MIA2: variants seen among roughly 807,000 people sequenced by gnomAD.
MIA2 encodes melanoma inhibitory activity protein 2.
In MIA2, 127 loss-of-function variants were observed where a neutral mutation model predicts 167.8. The observed-to-expected ratio is 0.76, with a 90% CI of 0.66 to 0.88. MIA2 has a LOEUF of 0.88. MIA2 is among the 40% of genes least tolerant of loss of function. MIA2 has a pLI of 0.00. For missense variants in MIA2, 1,690 were observed against 1,624.7 expected (o/e 1.04, Z -0.69); for synonymous variants, 552 against 541.9 (o/e 1.02, Z -0.26).
At chr14:39,301,033 TATACATAC>T (rs1227885863) in intron 14 of MIA2, among the ~76,000 whole-genome samples, 78 of 81,888 alleles carry the variant, frequency 9.5e-4, no homozygotes, top group African/African-American at 4.3e-3. Context: ...CATATATACA[TATACATAC>T]ACACACACAC....
intron 13 of MIA2, among the ~76,000 whole-genome samples, chr14:39,297,080 G>A (rs1337028712): frequency 6.7e-6 from 1 of 148,942 alleles, no homozygotes; most frequent in African/African-American, 2.5e-5. Context: ...CCCGGCTATT[G>A]GTGGGCTTTT....
intron 18 of MIA2, among the ~76,000 whole-genome samples, chr14:39,312,247 G>T (rs1295520139): frequency 1.3e-5 from 2 of 152,182 alleles, no homozygotes; most frequent in African/African-American, 2.4e-5. Flanking sequence ...ATCAGGAGAG[G>T]TGTCAAAGAA....
intron 23 of MIA2, among the ~76,000 whole-genome samples, chr14:39,384,198 A>G (rs554827167): frequency 3.9e-5 from 6 of 152,272 alleles, no homozygotes; most frequent in African/African-American, 1.2e-4. Context: ...GCCATTTGCA[A>G]TTCCAAAAAT....
At chr14:39,245,036 C>T (rs1463510401) in intron 3 of MIA2, among the ~76,000 whole-genome samples, 2 of 150,304 alleles carry the variant, frequency 1.3e-5, no homozygotes, top group East Asian at 3.9e-4. Flanking sequence ...CCTCAGCCTC[C>T]CCAAGCACTG....
At chr14:39,317,913 T>C (rs1406972020) in intron 21 of MIA2, 31 bp from the exon 22 acceptor site, 3 of 1,461,230 alleles carry the variant, frequency 2.1e-6, no homozygotes, top group Non-Finnish European at 2.8e-6. Context: ...TTTATATAAA[T>C]ATATTTTTAA....
intron 10 of MIA2, among the ~76,000 whole-genome samples, chr14:39,292,529 G>A (rs941685703): frequency 6.6e-6 from 1 of 152,094 alleles, no homozygotes. Flanking sequence ...TTTCATTCGG[G>A]TCAGGGAATT....
intron 13 of MIA2, 23 bp from the exon 14 acceptor site, chr14:39,299,841 A>G (rs993186060): frequency 1.9e-6 from 3 of 1,593,556 alleles, no homozygotes; most frequent in Middle Eastern, 4.2e-4. Context: ...GATGAGTTGC[A>G]TTTTTAAAAT....
chr14:39,379,977 G>T (rs1595965000), intron 23 of MIA2, among the ~76,000 whole-genome samples: 1 of 152,228 alleles, frequency 6.6e-6, no homozygotes, highest in South Asian at 2.1e-4. Context: ...GCTTTTCAAT[G>T]TGGGGAGTAC....
Position 39,326,906 on chromosome 14 carries a change from A to G in MIA2, c.3539A>G (p.Asn1180Ser). 5.6e-6 allele frequency: 9 copies of G among 1,596,932 alleles called. No homozygotes were observed. The highest frequency in any genetic ancestry group is 7.7e-6 in the Non-Finnish European group (9 of 1,172,964). Residue 1180 changes from asparagine to serine, a missense_variant, in exon 25 of 29, where the codon AAT becomes AGT. Transcript: ENST00000640607. ...AATCCTCTGGACCATCAGATTACCA[A>G]TGAAAGAGGAGAATCAAGCTGTGAT... ...PGNPLDHQIT[N>S]ERGESSCDRL...
chr14:39,251,614 T>C (rs2054580090), intron 4 of MIA2, among the ~76,000 whole-genome samples: 1 of 152,200 alleles, frequency 6.6e-6, no homozygotes. Flanking sequence ...AACATTATTG[T>C]AGATCACTAC....
At chr14:39,378,034 T>C (rs1161488960) in intron 23 of MIA2, among the ~76,000 whole-genome samples, 1 of 152,192 alleles carries the variant, frequency 6.6e-6, no homozygotes, top group East Asian at 1.9e-4. Context: ...TATGCACTTG[T>C]ATAAAAGAAA....
chr14:39,254,460 G>T (rs886594392), intron 6 of MIA2, among the ~76,000 whole-genome samples: 1 of 152,106 alleles, frequency 6.6e-6, no homozygotes, highest in Non-Finnish European at 1.5e-5. Context: ...AGATTAAAGG[G>T]GTAAAGACCA....
chr14:39,277,286 G>C (rs754402174), intron 7 of MIA2, among the ~76,000 whole-genome samples: 1 of 151,878 alleles, frequency 6.6e-6, no homozygotes, highest in Non-Finnish European at 1.5e-5. Flanking sequence ...AGCACTTTGG[G>C]AGGCCAAGGC....
At position 39,285,934 on chromosome 14, in the gene MIA2, G is replaced by A. The variant is rs1363561626; in HGVS notation, c.2131-5085G>A. Reference sequence around the variant, plus strand: ...TCACTTCCTAGACGGGATGGCGGCCGGGAAGAGGCGCTCCTCACTTCCCAG... The same window carrying A: ...TCACTTCCTAGACGGGATGGCGGCCAGGAAGAGGCGCTCCTCACTTCCCAG... On this transcript the variant is annotated intron_variant, in intron 9 of 28. Coordinates refer to ENST00000640607, the MANE Select transcript of MIA2 (RefSeq NM_001329214.4). Among the ~76,000 whole-genome samples, 17 of 151,664 alleles carry A rather than the reference G, an allele frequency of 1.1e-4. 2 individuals carry two copies. The highest frequency in any genetic ancestry group is 2.6e-4 in the Admixed American group (4 of 15,244).
intron 6 of MIA2, chr14:39,265,476 TA>T: frequency 1.4e-6 from 2 of 1,402,246 alleles, no homozygotes; most frequent in Non-Finnish European, 2.0e-6. Flanking sequence ...AATTTTGCAC[TA>T]AGTTTGTTAA....
chr14:39,331,293 CT>C (rs955867796), intron 25 of MIA2, among the ~76,000 whole-genome samples: 9 of 151,538 alleles, frequency 5.9e-5, no homozygotes, highest in Non-Finnish European at 1.0e-4. Flanking sequence ...CTTTTTTTTG[CT>C]TTCCATTTGC....
chr14:39,246,356 C>T (rs12877996), intron 3 of MIA2, among the ~76,000 whole-genome samples: 1 of 152,064 alleles, frequency 6.6e-6, no homozygotes, highest in Admixed American at 6.5e-5. Flanking sequence ...CTGAGCCTCC[C>T]TAAGTGCTGG....
chr14:39,250,434 G>T (rs959603525), intron 4 of MIA2, among the ~76,000 whole-genome samples: 1 of 151,968 alleles, frequency 6.6e-6, no homozygotes, highest in East Asian at 1.9e-4. Context: ...GGTGGCTCAT[G>T]CCTGTAATCC....
rs1456949597 is a variant in MIA2, at chr14:39,304,305, A to C, written c.2802A>C (p.Leu934Phe). The C allele has an allele frequency of 1.3e-6, 2 of 1,499,834 alleles. No individual in the cohort carries two copies. The highest frequency in any genetic ancestry group is 2.8e-5 in the African/African-American group (2 of 70,844). The allele number at this position is 1,499,834 out of a possible 1,614,324, so 92.9% of individuals were successfully genotyped here. ...CTTCTTTAAAGTTAAATGCTTCTTT[A>C]AAAACCTTAGAAGGAGAAAGAAACC... ...LIHAAKLNAS[L>F]KTLEGERNQI... Residue 934 changes from leucine to phenylalanine, a missense_variant, in exon 17 of 29, where the codon TTA (leucine) becomes TTC (phenylalanine). By Grantham distance (22) the Leu-to-Phe change is conservative. Coordinates refer to ENST00000640607, the MANE Select transcript of MIA2 (RefSeq NM_001329214.4).
Sources: gnomAD v4.1 joint callset for allele counts (sites outside exome capture counted in the v4.1 genomes callset) on GRCh38, gnomAD v4.1.1 for gene constraint, MANE v1.5 for transcripts, NCBI Gene and HGNC (gene_info 2026-07-23, HGNC 2026-07-21) for gene names.